KHDRBS2: variants seen among roughly 807,000 people sequenced by gnomAD.
KHDRBS2 encodes KH domain-containing, RNA-binding, signal transduction-associated protein 2.
KHDRBS2 carries 26 observed loss-of-function variants against 44.3 expected under a neutral mutation model. The observed-to-expected ratio is 0.59, with a 90% CI of 0.43 to 0.81. The LOEUF is 0.81. Among genes scored for constraint, KHDRBS2 ranks in the 40% least tolerant of loss-of-function variants. The pLI, the probability that KHDRBS2 is intolerant of heterozygous loss-of-function variation, is 0.00. For missense variants in KHDRBS2, 476 were observed against 433.1 expected, an observed-to-expected ratio of 1.10 and a Z score of -0.88; for synonymous variants, 194 against 151.1, an observed-to-expected ratio of 1.28 and a Z score of -2.08.
At chr6:61,574,736 C>T in the KHDRBS2 span, among the ~76,000 whole-genome samples, 1 of 152,018 alleles carries the variant, frequency 6.6e-6, no homozygotes, top group Admixed American at 6.6e-5. Flanking sequence ...GGGTGTTGGC[C>T]CATCTCTACT....
chr6:62,106,981 A>G (rs1803545647), intron 2 of KHDRBS2, among the ~76,000 whole-genome samples: 1 of 152,156 alleles, frequency 6.6e-6, no homozygotes, highest in Non-Finnish European at 1.5e-5. Context: ...CCCACAGCCA[A>G]TATCATACTG....
At chr6:61,627,977 T>C in the KHDRBS2 span, among the ~76,000 whole-genome samples, 2 of 152,044 alleles carry the variant, frequency 1.3e-5, no homozygotes, top group African/African-American at 4.8e-5. Flanking sequence ...GTGAGGGTAG[T>C]CTTGTGGGGT....
At chr6:61,617,577 A>G in the KHDRBS2 span, among the ~76,000 whole-genome samples, 1 of 152,178 alleles carries the variant, frequency 6.6e-6, no homozygotes, top group Admixed American at 6.5e-5. Context: ...ATGTTAAAAT[A>G]CAAATTAAGA....
At chr6:62,162,751 T>C (rs1353336582) in intron 2 of KHDRBS2, among the ~76,000 whole-genome samples, 3 of 152,118 alleles carry the variant, frequency 2.0e-5, no homozygotes, top group East Asian at 3.9e-4. Flanking sequence ...CCTTCTTAAA[T>C]TCATGGTATA....
At chr6:61,600,996 C>G in the KHDRBS2 span, among the ~76,000 whole-genome samples, 4 of 152,182 alleles carry the variant, frequency 2.6e-5, no homozygotes, top group Non-Finnish European at 5.9e-5. Flanking sequence ...GGTGTTTAAT[C>G]ACTGCAGGGA....
At chr6:61,663,662 CCT>C in the KHDRBS2 span, among the ~76,000 whole-genome samples, 1 of 149,482 alleles carries the variant, frequency 6.7e-6, no homozygotes, top group Non-Finnish European at 1.5e-5. Context: ...TATCATAAGA[CCT>C]TATTGTTTTC....
chr6:61,953,495 C>T (rs1033490777), intron 4 of KHDRBS2, among the ~76,000 whole-genome samples: 3 of 151,860 alleles, frequency 2.0e-5, no homozygotes, highest in Admixed American at 2.0e-4. Flanking sequence ...TTAGGAAAAT[C>T]GCTATATTTT....
At chr6:61,755,222 A>G (rs1464171395) in intron 6 of KHDRBS2, among the ~76,000 whole-genome samples, 2 of 152,146 alleles carry the variant, frequency 1.3e-5, no homozygotes, top group South Asian at 2.1e-4. Context: ...ATTATTTAAT[A>G]GAATATCTTG....
At chr6:62,052,653 T>G (rs1789343688) in intron 2 of KHDRBS2, among the ~76,000 whole-genome samples, 1 of 150,568 alleles carries the variant, frequency 6.6e-6, no homozygotes. Flanking sequence ...GTGGGGGTGT[T>G]TTGAAATAAA....
chr6:62,020,046 T>C (rs1020059629), intron 3 of KHDRBS2, among the ~76,000 whole-genome samples: 2 of 151,994 alleles, frequency 1.3e-5, no homozygotes, highest in African/African-American at 2.4e-5. Context: ...ACATAAAGTA[T>C]ATGTTTAATG....
At chr6:61,937,057 T>C (rs777683582) in intron 4 of KHDRBS2, among the ~76,000 whole-genome samples, 2 of 151,980 alleles carry the variant, frequency 1.3e-5, no homozygotes, top group African/African-American at 4.8e-5. Context: ...TGACTTCCTA[T>C]TGGACATGTA....
chr6:61,781,124 T>C (rs1782863689), intron 6 of KHDRBS2, among the ~76,000 whole-genome samples: 1 of 152,210 alleles, frequency 6.6e-6, no homozygotes, highest in South Asian at 2.1e-4. Flanking sequence ...TTTTACATAA[T>C]GCAATTACAC....
chr6:62,024,416 G>A (rs1782926493), intron 3 of KHDRBS2, among the ~76,000 whole-genome samples: 2 of 151,440 alleles, frequency 1.3e-5, no homozygotes, highest in Admixed American at 1.3e-4. Context: ...AGTAACTGAA[G>A]CACACACTAC....
chr6:62,244,576 A>T (rs1835246310), intron 1 of KHDRBS2, among the ~76,000 whole-genome samples: 1 of 152,198 alleles, frequency 6.6e-6, no homozygotes, highest in Non-Finnish European at 1.5e-5. Flanking sequence ...TTGGAGAAGC[A>T]TAGCTCAGAT....
At chr6:62,211,514 C>T (rs1273841676) in intron 1 of KHDRBS2, among the ~76,000 whole-genome samples, 2 of 152,082 alleles carry the variant, frequency 1.3e-5, no homozygotes, top group Admixed American at 1.3e-4. Context: ...GTCACATTAA[C>T]ATTATACGAG....
At chr6:61,820,917 G>A (rs572220155) in intron 6 of KHDRBS2, among the ~76,000 whole-genome samples, 107 of 152,130 alleles carry the variant, frequency 7.0e-4, no homozygotes, top group Middle Eastern at 3.4e-3. Context: ...CCATATACGT[G>A]TGGCACCCTT....
At chr6:61,883,827 A>T (rs1235300387) in intron 6 of KHDRBS2, among the ~76,000 whole-genome samples, 1 of 152,056 alleles carries the variant, frequency 6.6e-6, no homozygotes, top group Admixed American at 6.6e-5. Flanking sequence ...GCATCCTGGT[A>T]AATTAGTCTC....
chr6:62,191,420 C>G (rs893888551), intron 1 of KHDRBS2, among the ~76,000 whole-genome samples: 1 of 152,082 alleles, frequency 6.6e-6, no homozygotes, highest in African/African-American at 2.4e-5. Flanking sequence ...TTTTAATACT[C>G]ATTTTGCATG....
At chr6:62,240,357 T>C (rs1834396802) in intron 1 of KHDRBS2, among the ~76,000 whole-genome samples, 1 of 151,890 alleles carries the variant, frequency 6.6e-6, no homozygotes, top group Admixed American at 6.6e-5. Flanking sequence ...TTCTACCCAG[T>C]CCTACCATCA....
Sources: allele counts gnomAD v4.1 joint callset (sites outside exome capture counted in the v4.1 genomes callset), GRCh38; gene constraint gnomAD v4.1.1; transcripts MANE v1.5; gene names NCBI Gene and HGNC (gene_info 2026-07-23, HGNC 2026-07-21).